Variants in LAMC1 observed in about 807,000 individuals in gnomAD.
The protein encoded by LAMC1 is laminin subunit gamma 1.
A neutral mutation model predicts 173.6 loss-of-function variants in LAMC1; 38 were observed. The ratio of observed to expected loss-of-function variants is 0.22; its 90% CI spans 0.17 to 0.29. LAMC1 has a LOEUF of 0.29. Ranked by LOEUF, LAMC1 falls within the 10% of genes least tolerant of loss-of-function variation. LAMC1 has a pLI of 1.00. For missense variants in LAMC1, 1,824 were observed against 2,051.8 expected (o/e 0.89, Z 2.14); for synonymous variants, 746 against 749.1 (o/e 1.00, Z 0.07).
chr1:183,118,257 A>G, intron 11 of LAMC1, 111 bp downstream of exon 11: 1 of 601,244 alleles, frequency 1.7e-6, no homozygotes, highest in Non-Finnish European at 2.9e-6. Flanking sequence ...AGAAGTGTAT[A>G]ACAACTCACA....
rs375923127 is a variant in LAMC1, at chr1:183,110,404, C to G, written c.855-84C>G. 7 of 1,058,774 alleles carry G rather than the reference C, an allele frequency of 6.6e-6. No homozygotes were observed. The Admixed American group carries it at 1.1e-4, about 16-fold the overall frequency. The allele number at this position is 1,058,774 out of a possible 1,614,324, so 65.6% of individuals were successfully genotyped here. ...TTACACTTTTGAATGGTAAAACTTACTTCTTTGTGTACATAGTTTTTCTGT... is the reference window on the plus strand; with the variant it reads ...TTACACTTTTGAATGGTAAAACTTAGTTCTTTGTGTACATAGTTTTTCTGT... On this transcript the variant is annotated intron_variant, in intron 3 of 27. Transcript: ENST00000258341.
intron 1 of LAMC1, among the ~76,000 whole-genome samples, chr1:183,055,670 G>A (rs1654570746): frequency 6.6e-6 from 1 of 152,006 alleles, no homozygotes. Flanking sequence ...AAATGAGATG[G>A]GCATGGTGTC....
At chr1:183,055,771 C>T (rs1423126406) in intron 1 of LAMC1, among the ~76,000 whole-genome samples, 1 of 151,592 alleles carries the variant, frequency 6.6e-6, no homozygotes. Flanking sequence ...GAGATCACAC[C>T]ACTGCACTTC....
intron 27 of LAMC1, chr1:183,141,378 T>C (rs1398813777): frequency 6.6e-6 from 1 of 152,214 alleles, no homozygotes; most frequent in African/African-American, 2.4e-5. Flanking sequence ...CTTCATTTGC[T>C]AAGTAAGGAC....
chr1:183,089,153 G>T (rs753152747), intron 1 of LAMC1, among the ~76,000 whole-genome samples: 2 of 152,214 alleles, frequency 1.3e-5, no homozygotes, highest in Non-Finnish European at 2.9e-5. Context: ...ATCAAAGAGA[G>T]CCAGAAAGGA....
chr1:183,076,721 G>T (rs997172531), intron 1 of LAMC1, among the ~76,000 whole-genome samples: 9 of 152,256 alleles, frequency 5.9e-5, no homozygotes, highest in Middle Eastern at 3.4e-3. Flanking sequence ...CTTCTTTTCT[G>T]CCATTTGTTG....
intron 1 of LAMC1, among the ~76,000 whole-genome samples, chr1:183,036,892 C>T (rs1558028678): frequency 6.6e-6 from 1 of 152,188 alleles, no homozygotes; most frequent in Non-Finnish European, 1.5e-5. Flanking sequence ...TCTTCTGTCT[C>T]AGCCTCCTGA....
chr1:183,125,305 C>T, intron 14 of LAMC1, 92 bp from the exon 15 acceptor site: 1 of 1,401,770 alleles, frequency 7.1e-7, no homozygotes, highest in Admixed American at 1.7e-5. Flanking sequence ...AACCTGGCAA[C>T]ACAGGTCTAA....
chr1:183,051,420 C>A (rs1433905159), intron 1 of LAMC1, among the ~76,000 whole-genome samples: 1 of 152,220 alleles, frequency 6.6e-6, no homozygotes, highest in East Asian at 1.9e-4. Flanking sequence ...GGCAGATGAG[C>A]CCACCTGGCA....
At chr1:183,135,612 C>T (rs1656915508) in intron 24 of LAMC1, among the ~76,000 whole-genome samples, 1 of 152,026 alleles carries the variant, frequency 6.6e-6, no homozygotes, top group Non-Finnish European at 1.5e-5. Flanking sequence ...AAATATGGGC[C>T]AGGCACGGTG....
intron 1 of LAMC1, among the ~76,000 whole-genome samples, chr1:183,043,669 A>G (rs1004808991): frequency 2.0e-5 from 3 of 152,174 alleles, no homozygotes; most frequent in South Asian, 4.1e-4. Context: ...AAGAAAAGAA[A>G]TAGGGTTGAA....
chr1:183,101,883 A>T (rs1655842922), intron 1 of LAMC1, among the ~76,000 whole-genome samples: 1 of 152,156 alleles, frequency 6.6e-6, no homozygotes, highest in African/African-American at 2.4e-5. Flanking sequence ...CCAGTTGAGA[A>T]ATAGTCGGAT....
chr1:183,036,597 T>G (rs1571401081), intron 1 of LAMC1, among the ~76,000 whole-genome samples: 1 of 151,512 alleles, frequency 6.6e-6, no homozygotes, highest in East Asian at 1.9e-4. Flanking sequence ...GAGATGGGAG[T>G]TCACCATGTT....
At position 183,114,688 on chromosome 1, in the gene LAMC1, A is replaced by G. The variant is rs896193347; in HGVS notation, c.1179A>G (p.Glu393=). The G allele has an allele frequency of 6.8e-6, 11 of 1,614,088 alleles. No individual in the cohort carries two copies. Among genetic ancestry groups the G allele is most frequent in the Non-Finnish European group, 9.3e-6 (11 of 1,180,046 alleles). ...RENFFRLGNN[E]ACSSCHCSPV... ...ACTTCTTCCGCCTTGGCAACAATGA[A>G]GCCTGCTCTTCATGCCACTGTAGTC... Residue 393 remains glutamate (E), a synonymous_variant, in exon 5 of 28, where the codon GAA becomes GAG. Transcript: ENST00000258341.
At chr1:183,026,298 C>T (rs1311817050) in intron 1 of LAMC1, among the ~76,000 whole-genome samples, 1 of 152,092 alleles carries the variant, frequency 6.6e-6, no homozygotes. Context: ...GGATACTTGA[C>T]TTGTTCTTGG....
chr1:183,025,650 A>G (rs376702954), intron 1 of LAMC1, among the ~76,000 whole-genome samples: 24 of 152,220 alleles, frequency 1.6e-4, no homozygotes, highest in East Asian at 1.3e-3. Context: ...TGAAATGTGT[A>G]TCTAAGTATT....
At chr1:183,077,500 T>C (rs1655145447) in intron 1 of LAMC1, among the ~76,000 whole-genome samples, 1 of 152,078 alleles carries the variant, frequency 6.6e-6, no homozygotes, top group Non-Finnish European at 1.5e-5. Flanking sequence ...CAGATTTTGG[T>C]GCACGCGAGC....
At chr1:183,118,549 C>A (rs1354706381) in intron 11 of LAMC1, among the ~76,000 whole-genome samples, 7 of 151,880 alleles carry the variant, frequency 4.6e-5, no homozygotes, top group African/African-American at 1.5e-4. Context: ...ATGGTGGAAC[C>A]CCGTCTCTAT....
intron 1 of LAMC1, among the ~76,000 whole-genome samples, chr1:183,101,729 G>A (rs79441579): frequency 0.032 from 4,900 of 152,092 alleles, 127 homozygotes; most frequent in Non-Finnish European, 0.05. Context: ...AAAGGAGGGA[G>A]TCAGGACCTG....
Sources: allele counts gnomAD v4.1 joint callset (sites outside exome capture counted in the v4.1 genomes callset), GRCh38; gene constraint gnomAD v4.1.1; transcripts MANE v1.5; gene names NCBI Gene and HGNC (gene_info 2026-07-23, HGNC 2026-07-21).